The following CNTN1 variants were observed in gnomAD, a reference collection of about 807,000 sequenced individuals.
CNTN1 encodes contactin 1.
Under a neutral mutation model 126.4 loss-of-function variants are expected in CNTN1, and 38 were observed. That is an observed-to-expected ratio of 0.30 (90% CI 0.23 to 0.39). CNTN1 has a LOEUF of 0.39. CNTN1 is among the 10% of genes least tolerant of loss of function. The probability of loss-of-function intolerance (pLI) is 1.00; values close to 1 mark genes in which losing one functional copy is unlikely to be tolerated. For missense variants in CNTN1, 1,009 were observed against 1,248.4 expected (o/e 0.81, Z 2.89); for synonymous variants, 413 against 422.6 (o/e 0.98, Z 0.28).
At chr12:41,029,308 CACCAGTGTCCATATTTTCCTAAGT>C (rs1949095292) in intron 23 of CNTN1, 89 bp downstream of exon 23, 1 of 1,381,906 alleles carries the variant, frequency 7.2e-7, no homozygotes. Context: ...AAGCCTGATA[CACCAGTGTCCATATTTTCCTAAGT>C]AGATTGGACA....
intron 1 of CNTN1, among the ~76,000 whole-genome samples, chr12:40,881,736 T>C (rs2136698926): frequency 6.6e-6 from 1 of 151,916 alleles, no homozygotes; most frequent in African/African-American, 2.4e-5. Flanking sequence ...TTCATGCAGA[T>C]CTCGAGTAGG....
intron 17 of CNTN1, among the ~76,000 whole-genome samples, chr12:41,001,460 G>A (rs919725363): frequency 3.3e-5 from 5 of 151,542 alleles, no homozygotes; most frequent in Non-Finnish European, 5.9e-5. Flanking sequence ...GTTTTTTCTT[G>A]TAAATTTAAA....
intron 13 of CNTN1, 55 bp from the exon 14 acceptor site, chr12:40,943,940 A>G: frequency 6.6e-7 from 1 of 1,518,634 alleles, no homozygotes; most frequent in Non-Finnish European, 9.1e-7. Context: ...AATATACCAG[A>G]TAATATTGTG....
rs759678214 is a variant in CNTN1 at position 40,933,464 on chromosome 12, C to T, written c.707C>T (p.Thr236Ile). 6.3e-7 allele frequency: 1 copy of T among 1,598,564 alleles called. No homozygotes were observed. Among genetic ancestry groups the T allele is most frequent in the Admixed American group, 1.7e-5 (1 of 59,814 alleles). The change falls in exon 8 of 24, where the codon ACA (threonine) becomes ATA (isoleucine). Residue 236 changes from threonine to isoleucine, a missense_variant. Transcript: ENST00000551295. ...FIPLIPIPER[T>I]TKPYPADIVV... ...TTTGTGTTTCTCTTAATATTAGGAA[C>T]AACAAAACCATATCCTGCTGATATT...
chr12:40,873,675 GAATAC>G (rs1179366219), intron 1 of CNTN1, among the ~76,000 whole-genome samples: 3 of 152,148 alleles, frequency 2.0e-5, no homozygotes, highest in South Asian at 2.1e-4. Context: ...CTTCCTTTTA[GAATAC>G]AATACAATTT....
intron 12 of CNTN1, among the ~76,000 whole-genome samples, chr12:40,943,025 CA>C (rs1161085260): frequency 6.6e-6 from 1 of 151,990 alleles, no homozygotes. Flanking sequence ...AGTTTCTATA[CA>C]ATAAAACTTA....
At position 41,030,520 on chromosome 12, in the gene CNTN1, A is replaced by T. The variant is rs144060809; in HGVS notation, c.2980+1301A>T. ...ATAGCTACTGTTAATGCTTAGTTGA[A>T]TTTACTTATAGTCACTCTGTATACA... On this transcript the variant is annotated intron_variant, in intron 23 of 23. Coordinates refer to ENST00000551295, the MANE Select transcript of CNTN1 (RefSeq NM_001843.4). 3.9e-3 allele frequency among the ~76,000 whole-genome samples: 598 copies of T among 152,192 alleles called. 6 individuals are homozygous for T. The highest frequency in any genetic ancestry group is 0.014 in the African/African-American group (576 of 41,550).
At chr12:40,880,340 G>A (rs77160609) in intron 1 of CNTN1, among the ~76,000 whole-genome samples, 5 of 152,004 alleles carry the variant, frequency 3.3e-5, no homozygotes, top group Admixed American at 2.0e-4. Context: ...TTTTATGTAC[G>A]TTTGAAGGGG....
intron 1 of CNTN1, among the ~76,000 whole-genome samples, chr12:40,752,752 T>A (rs373384247): frequency 1.1e-4 from 17 of 152,226 alleles, no homozygotes; most frequent in Middle Eastern, 3.4e-3. Flanking sequence ...AACATAACAT[T>A]TTAAACTCTA....
intron 1 of CNTN1, among the ~76,000 whole-genome samples, chr12:40,770,172 C>T (rs1245595474): frequency 6.6e-6 from 1 of 152,038 alleles, no homozygotes; most frequent in Non-Finnish European, 1.5e-5. Context: ...TTTTTAGCGC[C>T]TCAGAGTATG....
At chr12:40,923,524 AG>A (rs902685954) in intron 5 of CNTN1, among the ~76,000 whole-genome samples, 42 of 152,274 alleles carry the variant, frequency 2.8e-4, no homozygotes, top group African/African-American at 9.9e-4. Context: ...AAGAATTAAC[AG>A]GTTGCATTGC....
At position 40,711,705 on chromosome 12, in the gene CNTN1, C is replaced by T. The variant is rs575015382; in HGVS notation, c.-77+19113C>T. Among the ~76,000 whole-genome samples the T allele has an allele frequency of 2.6e-5, 4 of 152,030 alleles. No individual in the cohort carries two copies. The South Asian group carries it at 8.3e-4, about 32-fold the overall frequency. On this transcript the variant is annotated intron_variant, in intron 1 of 23. Coordinates refer to ENST00000551295, the MANE Select transcript of CNTN1 (RefSeq NM_001843.4). ...TCCTCCTCCTCCTCCTCTTCCTACT[C>T]TTCCACCTTTTCTTCTTTTTTTAAG... is the stretch of plus-strand genomic sequence containing the variant.
At chr12:41,027,062 CAA>C (rs147973316) in intron 21 of CNTN1, among the ~76,000 whole-genome samples, 1,666 of 152,054 alleles carry the variant, frequency 0.011, 38 homozygotes, top group African/African-American at 0.038. Context: ...CTGACGATGG[CAA>C]AGAGTCATTG....
chr12:40,773,088 C>A (rs1253044657), intron 1 of CNTN1, among the ~76,000 whole-genome samples: 3 of 151,728 alleles, frequency 2.0e-5, no homozygotes, highest in African/African-American at 4.8e-5. Flanking sequence ...TATATTAGTT[C>A]TTTTAAAAAT....
chr12:40,961,534 G>A (rs1295178156), intron 15 of CNTN1, among the ~76,000 whole-genome samples: 1 of 151,730 alleles, frequency 6.6e-6, no homozygotes, highest in Admixed American at 6.6e-5. Context: ...TCTAGTTCAG[G>A]AAATCATAAC....
chr12:40,858,413 A>T (rs1434494530), intron 1 of CNTN1, among the ~76,000 whole-genome samples: 1 of 152,218 alleles, frequency 6.6e-6, no homozygotes, highest in Non-Finnish European at 1.5e-5. Flanking sequence ...ATCACAGATT[A>T]TTAGAGAAAT....
At chr12:40,777,928 T>G (rs1939651301) in intron 1 of CNTN1, among the ~76,000 whole-genome samples, 1 of 151,860 alleles carries the variant, frequency 6.6e-6, no homozygotes, top group Non-Finnish European at 1.5e-5. Flanking sequence ...CTGTAGATGT[T>G]TCCAGTCTAC....
At chr12:41,005,674 C>A (rs925970760) in intron 17 of CNTN1, among the ~76,000 whole-genome samples, 6 of 152,136 alleles carry the variant, frequency 3.9e-5, no homozygotes, top group African/African-American at 1.4e-4. Context: ...AGCCAGTCTT[C>A]AAGCTCTGAG....
At chr12:41,044,444 A>G (rs1949495477) in intron 23 of CNTN1, among the ~76,000 whole-genome samples, 1 of 152,138 alleles carries the variant, frequency 6.6e-6, no homozygotes, top group Non-Finnish European at 1.5e-5. Context: ...ACATTTAAGT[A>G]GTCAAGTAGA....
Sources: allele counts gnomAD v4.1 joint callset (sites outside exome capture counted in the v4.1 genomes callset), GRCh38; gene constraint gnomAD v4.1.1; transcripts MANE v1.5; gene names NCBI Gene and HGNC (gene_info 2026-07-23, HGNC 2026-07-21).